WASHC3: variants seen among roughly 807,000 people sequenced by gnomAD.
WASHC3 encodes the protein WASH complex subunit 3.
A neutral mutation model predicts 26.1 loss-of-function variants in WASHC3; 24 were observed. The ratio of observed to expected loss-of-function variants is 0.92; its 90% CI spans 0.66 to 1.29. The LOEUF (loss-of-function observed/expected upper bound fraction) is 1.29, where lower values mean the gene tolerates loss of function less well. WASHC3 is among the 50% of genes most tolerant of loss of function. The pLI is 0.00. For missense variants in WASHC3, 214 were observed against 229.6 expected (o/e 0.93, Z 0.44); for synonymous variants, 77 against 75.7 (o/e 1.02, Z -0.09).
intron 5 of WASHC3, among the ~76,000 whole-genome samples, chr12:102,034,310 G>A (rs1565815155): frequency 6.6e-6 from 1 of 152,100 alleles, no homozygotes; most frequent in South Asian, 2.1e-4. Flanking sequence ...TTCTTTCCAT[G>A]TCAATGACAG....
chr12:102,060,260 TAA>T (rs1017676126), intron 2 of WASHC3, among the ~76,000 whole-genome samples: 1 of 152,226 alleles, frequency 6.6e-6, no homozygotes, highest in African/African-American at 2.4e-5. Flanking sequence ...TTTGGCTTTT[TAA>T]AAGACAGGGA....
intron 3 of WASHC3, 114 bp downstream of exon 3, chr12:102,045,940 C>T (rs73183994): frequency 0.031 from 19,284 of 621,502 alleles, 418 homozygotes; most frequent in African/African-American, 0.071. Context: ...TATCACTTCA[C>T]AGATACAGAA....
chr12:102,059,466 G>C (rs1048753877), intron 2 of WASHC3, among the ~76,000 whole-genome samples: 1 of 152,190 alleles, frequency 6.6e-6, no homozygotes, highest in African/African-American at 2.4e-5. Context: ...AACAGCTGCA[G>C]AGAAGTTGAG....
At chr12:102,059,690 A>C (rs1215185208) in intron 2 of WASHC3, 1 of 152,092 alleles carries the variant, frequency 6.6e-6, no homozygotes, top group African/African-American at 2.4e-5. Flanking sequence ...TTTGTTCTTT[A>C]TTTTTCAGCT....
chr12:102,016,058 T>A (rs773072127), intron 6 of WASHC3, among the ~76,000 whole-genome samples: 65 of 152,080 alleles, frequency 4.3e-4, no homozygotes, highest in Middle Eastern at 3.2e-3. Flanking sequence ...CCTGGCTAAT[T>A]TTTTTACTTT....
chr12:102,057,945 C>G (rs1226748456), intron 2 of WASHC3, among the ~76,000 whole-genome samples: 1 of 151,854 alleles, frequency 6.6e-6, no homozygotes, highest in Admixed American at 6.6e-5. Context: ...AGACCCTGAA[C>G]AGGCAATGCA....
At chr12:102,056,196 G>T (rs1878587136) in intron 2 of WASHC3, among the ~76,000 whole-genome samples, 1 of 152,124 alleles carries the variant, frequency 6.6e-6, no homozygotes, top group Admixed American at 6.5e-5. Context: ...CATATATATG[G>T]CAATGGTGGA....
At chr12:102,046,727 G>C (rs181318139) in intron 2 of WASHC3, among the ~76,000 whole-genome samples, 4 of 152,284 alleles carry the variant, frequency 2.6e-5, no homozygotes, top group Admixed American at 6.5e-5. Context: ...GTTTACTACT[G>C]TACCTTTAGT....
intron 2 of WASHC3, among the ~76,000 whole-genome samples, chr12:102,058,621 A>G (rs1878683826): frequency 6.6e-6 from 1 of 152,168 alleles, no homozygotes; most frequent in Non-Finnish European, 1.5e-5. Context: ...AAATTAGTAC[A>G]GCTATTATAG....
intron 2 of WASHC3, among the ~76,000 whole-genome samples, chr12:102,053,900 G>A (rs1878491301): frequency 6.6e-6 from 1 of 152,126 alleles, no homozygotes; most frequent in Admixed American, 6.6e-5. Flanking sequence ...ACAATAACTT[G>A]TTAAGGGATA....
chr12:102,060,225 G>A (rs1007995800), intron 2 of WASHC3, among the ~76,000 whole-genome samples: 2 of 152,130 alleles, frequency 1.3e-5, no homozygotes, highest in Admixed American at 1.3e-4. Context: ...TCAACCCATG[G>A]TTCCCATTGT....
At chr12:102,028,607 T>A (rs904561355) in intron 5 of WASHC3, among the ~76,000 whole-genome samples, 1 of 151,546 alleles carries the variant, frequency 6.6e-6, no homozygotes, top group East Asian at 1.9e-4. Flanking sequence ...GAAAAAAAAA[T>A]TTCCTAAAAT....
At chr12:102,014,257 G>A (rs1205893138) in intron 6 of WASHC3, among the ~76,000 whole-genome samples, 1 of 151,736 alleles carries the variant, frequency 6.6e-6, no homozygotes, top group East Asian at 1.9e-4. Context: ...ATTTTCAGTA[G>A]AGACGGGATT....
At chr12:102,041,435 TCTCA>T (rs1165695568) in intron 4 of WASHC3, among the ~76,000 whole-genome samples, 11 of 152,066 alleles carry the variant, frequency 7.2e-5, no homozygotes, top group African/African-American at 2.7e-4. Flanking sequence ...CTCAAATCAA[TCTCA>T]CTCTGCACAA....
At chr12:102,015,952 T>C (rs776839920) in intron 6 of WASHC3, among the ~76,000 whole-genome samples, 5 of 151,278 alleles carry the variant, frequency 3.3e-5, no homozygotes, top group Non-Finnish European at 5.9e-5. Context: ...AGTAGTAGTG[T>C]GATCTCGGCT....
intron 6 of WASHC3, among the ~76,000 whole-genome samples, chr12:102,023,497 G>A (rs2121341457): frequency 6.6e-6 from 1 of 152,278 alleles, no homozygotes; most frequent in South Asian, 2.1e-4. Flanking sequence ...CTAAATAAAA[G>A]TGTACTCTTC....
chr12:102,033,917 G>A (rs1380635043), intron 5 of WASHC3, among the ~76,000 whole-genome samples: 1 of 152,000 alleles, frequency 6.6e-6, no homozygotes, highest in Non-Finnish European at 1.5e-5. Context: ...AAAGAATTAT[G>A]TTGTTATCGG....
At chr12:102,024,636 C>T (rs1489769821) in intron 6 of WASHC3, among the ~76,000 whole-genome samples, 5 of 152,120 alleles carry the variant, frequency 3.3e-5, no homozygotes. Context: ...TATGCTGATG[C>T]TTATAGGGTG....
At chr12:102,040,068 A>G (rs1042952786) in intron 4 of WASHC3, 90 bp from the exon 5 acceptor site, 12 of 528,286 alleles carry the variant, frequency 2.3e-5, no homozygotes, top group Non-Finnish European at 3.1e-5. Context: ...CCATAATTCT[A>G]AGGCAGTAAA....
Sources: gnomAD v4.1 joint callset for allele counts (sites outside exome capture counted in the v4.1 genomes callset) on GRCh38, gnomAD v4.1.1 for gene constraint, MANE v1.5 for transcripts, NCBI Gene and HGNC (gene_info 2026-07-23, HGNC 2026-07-21) for gene names.